NHSL3: variants seen among roughly 807,000 people sequenced by gnomAD.
NHSL3 encodes NHS-like protein 3.
the NHSL3 span, among the ~76,000 whole-genome samples, chr1:32,750,369 G>A: frequency 1.3e-5 from 2 of 152,206 alleles, no homozygotes; most frequent in African/African-American, 4.8e-5. Context: ...TCAGCTCACA[G>A]AGGATTTAAA....
chr1:32,771,628 G>GCTT, the NHSL3 span: 2 of 1,613,038 alleles, frequency 1.2e-6, no homozygotes, highest in South Asian at 1.1e-5. Context: ...CTCCCCGGCT[G>GCTT]CTTCGTCCTC....
the NHSL3 span, among the ~76,000 whole-genome samples, chr1:32,756,969 C>G: frequency 2.2e-4 from 34 of 152,080 alleles, no homozygotes; most frequent in Non-Finnish European, 3.2e-4. Flanking sequence ...GACTCCATTT[C>G]AAAAACAAAA....
At chr1:32,771,625 G>C in the NHSL3 span, 1 of 1,613,036 alleles carries the variant, frequency 6.2e-7, no homozygotes. Flanking sequence ...CAGCTCCCCG[G>C]CTGCTTCGTC....
the NHSL3 span, chr1:32,768,574 T>A: frequency 6.4e-7 from 1 of 1,569,176 alleles, no homozygotes; most frequent in Admixed American, 1.7e-5. Flanking sequence ...CAGCCTGAGC[T>A]GGATTTGTCT....
chr1:32,745,026 T>A, the NHSL3 span, among the ~76,000 whole-genome samples: 1 of 150,284 alleles, frequency 6.7e-6, no homozygotes. Context: ...CCCGGAAGGC[T>A]GAGGCAAGAG....
the NHSL3 span, chr1:32,770,743 C>T: frequency 6.4e-7 from 1 of 1,554,722 alleles, no homozygotes; most frequent in Non-Finnish European, 8.7e-7. The surrounding 1 kb of genome is among the most constrained non-coding windows in gnomAD (Gnocchi z 8.3). Flanking sequence ...ATTAGGGTTG[C>T]CCCCTAAGCC....
At chr1:32,751,979 T>C in the NHSL3 span, among the ~76,000 whole-genome samples, 2 of 152,172 alleles carry the variant, frequency 1.3e-5, no homozygotes, top group Non-Finnish European at 2.9e-5. Context: ...AAATTTAGAC[T>C]TTATCCTTGG....
At chr1:32,750,402 C>T in the NHSL3 span, among the ~76,000 whole-genome samples, 2 of 152,180 alleles carry the variant, frequency 1.3e-5, no homozygotes, top group South Asian at 2.1e-4. Context: ...TAGCAAAGTG[C>T]GTGATTCCCA....
At chr1:32,772,287 CG>C in the NHSL3 span, 8 of 1,592,332 alleles carry the variant, frequency 5.0e-6, no homozygotes, top group Non-Finnish European at 6.9e-6. Flanking sequence ...TCCCCCCACC[CG>C]CCTCCCCCAG....
At chr1:32,755,378 C>G in the NHSL3 span, among the ~76,000 whole-genome samples, 1 of 152,152 alleles carries the variant, frequency 6.6e-6, no homozygotes, top group Non-Finnish European at 1.5e-5. Context: ...CCAGGATGGC[C>G]CACATTCCTA....
At chr1:32,768,031 T>C in the NHSL3 span, 2 of 1,613,522 alleles carry the variant, frequency 1.2e-6, no homozygotes, top group Non-Finnish European at 1.7e-6. Flanking sequence ...GTCAGGGGCC[T>C]AACCCAACAG....
the NHSL3 span, chr1:32,771,502 C>T: frequency 6.5e-5 from 104 of 1,589,552 alleles, no homozygotes; most frequent in East Asian, 2.3e-3. Context: ...TCCCCCACCC[C>T]CTGCCCCTGA....
At chr1:32,774,424 G>C in the NHSL3 span, 25 of 152,430 alleles carry the variant, frequency 1.6e-4, no homozygotes, top group African/African-American at 5.3e-4. Context: ...CCTGTGGGCA[G>C]TGGAGAGTGC....
the NHSL3 span, among the ~76,000 whole-genome samples, chr1:32,767,391 C>T: frequency 6.6e-6 from 1 of 151,800 alleles, no homozygotes; most frequent in Non-Finnish European, 1.5e-5. Context: ...TGTTTACGTG[C>T]GGGCTGGGTG....
At chr1:32,774,917 A>G in the NHSL3 span, 1 of 152,572 alleles carries the variant, frequency 6.6e-6, no homozygotes, top group East Asian at 1.9e-4. Context: ...TGAGTGAGAC[A>G]CATGAAGAAA....
chr1:32,765,496 G>A, the NHSL3 span: 1 of 667,564 alleles, frequency 1.5e-6, no homozygotes, highest in Non-Finnish European at 2.5e-6. Flanking sequence ...CTCTACTGGA[G>A]CAGAGCACCC....
chr1:32,771,027 C>T, the NHSL3 span: 1 of 1,486,276 alleles, frequency 6.7e-7, no homozygotes, highest in Non-Finnish European at 9.1e-7. Context: ...CAGAGCGTGT[C>T]ACGTCTCTTC....
At chr1:32,765,797 C>G in the NHSL3 span, 1 of 1,547,872 alleles carries the variant, frequency 6.5e-7, no homozygotes, top group South Asian at 1.2e-5. Context: ...CCGCCGCCTC[C>G]CGGCGCTCCT....
chr1:32,742,333 T>A, the NHSL3 span: 1 of 775,270 alleles, frequency 1.3e-6, no homozygotes, highest in Non-Finnish European at 1.7e-6. Context: ...CAGGGCTGAG[T>A]CCGAACACTT....
Sources: allele counts gnomAD v4.1 joint callset (sites outside exome capture counted in the v4.1 genomes callset), GRCh38; gene constraint gnomAD v4.1.1; non-coding constraint Gnocchi (gnomAD v3.1); transcripts MANE v1.5; gene names NCBI Gene and HGNC (gene_info 2026-07-23, HGNC 2026-07-21).